PDCD6IP: variants seen among roughly 807,000 people sequenced by gnomAD.
The protein encoded by PDCD6IP is programmed cell death 6 interacting protein.
A neutral mutation model predicts 103.7 loss-of-function variants in PDCD6IP; 43 were observed. That is an observed-to-expected ratio of 0.41 (90% CI 0.32 to 0.53). The LOEUF (loss-of-function observed/expected upper bound fraction) is 0.53. Among genes scored for constraint, PDCD6IP ranks in the 20% least tolerant of loss-of-function variants. The pLI, the probability that PDCD6IP is intolerant of heterozygous loss-of-function variation, is 0.16. For missense variants in PDCD6IP, 871 were observed against 1,036.7 expected, an observed-to-expected ratio of 0.84 and a Z score of 2.20; for synonymous variants, 354 against 378.7, an observed-to-expected ratio of 0.93 and a Z score of 0.76.
Position 33,864,037 on chromosome 3 carries a change from A to G in PDCD6IP, c.2152A>G (p.Ser718Gly). Residue 718 changes from serine to glycine, a missense_variant, in exon 16 of 18, where the codon AGT becomes GGT. This residue lies in a region of PDCD6IP where 202 missense variants were observed against 205.2 expected (regional missense o/e 0.98). Transcript: ENST00000307296. ...DLQQSIAREP[S>G]APSIPTPAYQ... ...GCAACAAAGCATTGCCAGAGAACCT[A>G]GTGCTCCTTCAATTCCTACACCTGC... The G allele has an allele frequency of 6.2e-7, 1 of 1,613,964 alleles. No individual in the cohort carries two copies. Among genetic ancestry groups the G allele is most frequent in the African/African-American group, 1.3e-5 (1 of 75,050 alleles).
chr3:33,847,282 A>G (rs1244978152), intron 12 of PDCD6IP, among the ~76,000 whole-genome samples: 1 of 152,240 alleles, frequency 6.6e-6, no homozygotes, highest in Non-Finnish European at 1.5e-5. Context: ...AATCTGCATT[A>G]GTATGCACTG....
chr3:33,847,303 AT>A (rs1697613397), intron 12 of PDCD6IP, among the ~76,000 whole-genome samples: 1 of 152,190 alleles, frequency 6.6e-6, no homozygotes, highest in Non-Finnish European at 1.5e-5. Flanking sequence ...ATATATTGCT[AT>A]TTTATTCAGT....
Position 33,868,415 on chromosome 3 carries a change from A to G in PDCD6IP, c.*1890A>G, listed in dbSNP as rs1698113127. The G allele has an allele frequency of 6.6e-6, 1 of 152,538 alleles. No homozygotes were observed. The highest frequency in any genetic ancestry group is 1.5e-5 in the Non-Finnish European group (1 of 68,072). 9.4% of individuals were successfully genotyped at this position (152,538 alleles called of 1,614,324 possible). On this transcript the variant is annotated 3_prime_UTR_variant, in exon 18 of 18. Transcript: ENST00000307296. ...GTATAAGCCTTTTAGCCCATTCCCC[A>G]TGCTGGGCCTGCTCACAGAGCCACA...
chr3:33,818,806 T>C (rs955934729), intron 3 of PDCD6IP, among the ~76,000 whole-genome samples: 3 of 152,110 alleles, frequency 2.0e-5, no homozygotes, highest in Non-Finnish European at 4.4e-5. Flanking sequence ...CGTGAGCCAC[T>C]GCACCTGGCC....
At chr3:33,820,329 A>G (rs532148240) in intron 3 of PDCD6IP, among the ~76,000 whole-genome samples, 10 of 152,022 alleles carry the variant, frequency 6.6e-5, no homozygotes, top group Non-Finnish European at 1.3e-4. Flanking sequence ...TCCCCCCTCA[A>G]CCCTTGGCAA....
At chr3:33,836,828 C>T (rs912748827) in intron 8 of PDCD6IP, among the ~76,000 whole-genome samples, 1 of 151,788 alleles carries the variant, frequency 6.6e-6, no homozygotes, top group African/African-American at 2.4e-5. Context: ...CACCATACTC[C>T]AGCCTGGGTG....
rs1003594019 is a variant in PDCD6IP, at chr3:33,868,074, T to C, written c.*1549T>C. On this transcript the variant is annotated 3_prime_UTR_variant, in exon 18 of 18. Coordinates refer to ENST00000307296, the MANE Select transcript of PDCD6IP (RefSeq NM_013374.6). ...TGATTTCATGGAATATTAAAGTTGG[T>C]TTAAAGTCCAATAGTTAAACCTTAG... 6.6e-6 allele frequency: 1 copy of C among 152,244 alleles called. No individual in the cohort carries two copies. Among genetic ancestry groups the C allele is most frequent in the African/African-American group, 2.4e-5 (1 of 41,468 alleles). The allele number at this position is 152,244 out of a possible 1,614,324, so 9.4% of individuals were successfully genotyped here.
At chr3:33,846,488 G>A (rs1697594827) in intron 12 of PDCD6IP, among the ~76,000 whole-genome samples, 1 of 152,158 alleles carries the variant, frequency 6.6e-6, no homozygotes, top group Non-Finnish European at 1.5e-5. Context: ...TGTAATATAG[G>A]GAAGAAGTTT....
chr3:33,804,574 A>C (rs1477713232), intron 1 of PDCD6IP, among the ~76,000 whole-genome samples: 1 of 152,212 alleles, frequency 6.6e-6, no homozygotes, highest in Non-Finnish European at 1.5e-5. Flanking sequence ...AACATATGGG[A>C]AGATTTAAAA....
rs1291799231 is a variant in PDCD6IP, at chr3:33,842,075, G to T, written c.1359+1G>T. The T allele has an allele frequency of 1.2e-6, 2 of 1,601,198 alleles. No homozygotes were observed. The highest frequency in any genetic ancestry group is 1.7e-6 in the Non-Finnish European group (2 of 1,172,122). On this transcript the variant is annotated splice_donor_variant, in intron 10 of 17. Transcript: ENST00000307296. LOFTEE classifies it high-confidence loss of function. ...ACGAAATAGAGAAATCCTAGATGAG[G>T]TATGTTTTATAAGATTTGCTTTTCA...
At chr3:33,858,037 AC>A (rs781648232) in intron 15 of PDCD6IP, among the ~76,000 whole-genome samples, 16 of 152,112 alleles carry the variant, frequency 1.1e-4, no homozygotes, top group Non-Finnish European at 2.1e-4. Context: ...CTACTTGAAA[AC>A]CCAAGAGAAC....
intron 16 of PDCD6IP, among the ~76,000 whole-genome samples, chr3:33,864,362 T>C (rs1698019979): frequency 6.6e-6 from 1 of 152,122 alleles, no homozygotes; most frequent in Non-Finnish European, 1.5e-5. Context: ...TTATAGCAAA[T>C]AAAACAAATG....
In PDCD6IP at chr3:33,842,073, A is replaced by G; in HGVS notation, c.1358A>G (p.Glu453Gly). Reference protein sequence around the residue: ...LLQRNREILDESLRLLDEEEA... With the variant: ...LLQRNREILDGSLRLLDEEEA... ...CAACGAAATAGAGAAATCCTAGATGAGGTATGTTTTATAAGATTTGCTTTT... is the reference window on the plus strand; with the variant it reads ...CAACGAAATAGAGAAATCCTAGATGGGGTATGTTTTATAAGATTTGCTTTT... Residue 453 changes from glutamate (E) to glycine (G), a missense_variant and splice_region_variant, in exon 10 of 18, where the codon GAG becomes GGG. Coordinates refer to ENST00000307296, the MANE Select transcript of PDCD6IP (RefSeq NM_013374.6). The G allele has an allele frequency of 1.2e-6, 2 of 1,602,252 alleles. No homozygotes were observed. Among genetic ancestry groups the G allele is most frequent in the Non-Finnish European group, 1.7e-6 (2 of 1,172,874 alleles).
Position 33,864,128 on chromosome 3 carries a change from C to T in PDCD6IP, c.2243C>T (p.Pro748Leu), listed in dbSNP as rs191378492. The change falls in exon 16 of 18, where the codon CCG becomes CTG. Residue 748 changes from proline to leucine, a missense_variant and splice_region_variant. Pro to Leu is a moderately conservative substitution (Grantham distance 98). Around this residue, in one of 5 missense-constraint regions of PDCD6IP, gnomAD observed 202 missense variants for 205.2 expected, o/e 0.98. Transcript: ENST00000307296. ...TPPTPAPRTM[P>L]PTKPQPPARP... ...CCAACTCCAGCGCCAAGAACCATGC[C>T]GGTTAGTAGGCAAATAAATATTTTA... is the stretch of plus-strand genomic sequence containing the variant. The T allele has an allele frequency of 6.5e-5, 98 of 1,503,028 alleles. No homozygotes were observed. Among genetic ancestry groups the T allele is most frequent in the Non-Finnish European group, 8.2e-5 (89 of 1,080,370 alleles). The allele number at this position is 1,503,028 out of a possible 1,614,324, so 93.1% of individuals were successfully genotyped here.
chr3:33,852,382 C>T, intron 12 of PDCD6IP, 106 bp from the exon 13 acceptor site: 1 of 1,419,900 alleles, frequency 7.0e-7, no homozygotes, highest in Non-Finnish European at 9.2e-7. Context: ...TCTGAGAAAT[C>T]ATCTCTCTCT....
At chr3:33,826,722 T>G in intron 6 of PDCD6IP, 142 bp downstream of exon 6, 2 of 1,389,464 alleles carry the variant, frequency 1.4e-6, no homozygotes, top group South Asian at 3.1e-5. Flanking sequence ...GAAATAGTTT[T>G]TTTTTTTTTT....
At chr3:33,848,045 C>T (rs1697632379) in intron 12 of PDCD6IP, among the ~76,000 whole-genome samples, 1 of 152,064 alleles carries the variant, frequency 6.6e-6, no homozygotes, top group African/African-American at 2.4e-5. Flanking sequence ...AACTGTGTGC[C>T]CTCCCAGAGG....
intron 10 of PDCD6IP, 124 bp downstream of exon 10, chr3:33,842,198 T>A (rs950655864): frequency 6.4e-5 from 38 of 596,258 alleles, no homozygotes; most frequent in Non-Finnish European, 1.0e-4. Context: ...CTTTGGTGAA[T>A]TTACTGTGGC....
At chr3:33,856,662 A>G (rs1475980196) in intron 15 of PDCD6IP, among the ~76,000 whole-genome samples, 1 of 152,232 alleles carries the variant, frequency 6.6e-6, no homozygotes, top group African/African-American at 2.4e-5. Flanking sequence ...AAGAACTGTC[A>G]GCATCAAGGC....
Sources: allele counts gnomAD v4.1 joint callset (sites outside exome capture counted in the v4.1 genomes callset), GRCh38; gene constraint gnomAD v4.1.1; regional missense constraint gnomAD v4.1.1; transcripts MANE v1.5; gene names NCBI Gene and HGNC (gene_info 2026-07-23, HGNC 2026-07-21).